LUC7L: variants seen among roughly 807,000 people sequenced by gnomAD.
LUC7L encodes LUC7 like.
In LUC7L, 29 loss-of-function variants were observed where a neutral mutation model predicts 51.1. That is an observed-to-expected ratio of 0.57 (90% CI 0.42 to 0.77). The LOEUF (loss-of-function observed/expected upper bound fraction) is 0.77, where lower values mean the gene tolerates loss of function less well. Ranked by LOEUF, LUC7L falls within the 30% of genes least tolerant of loss-of-function variation. LUC7L has a pLI of 0.00. For synonymous variants in LUC7L, 181 were observed against 180.7 expected (o/e 1.00, Z -0.01); for missense variants, 403 against 511.9 (o/e 0.79, Z 2.05).
At position 229,436 on chromosome 16, in the gene LUC7L, C is replaced by A; in HGVS notation, c.-97G>T. 1 of 1,118,782 alleles carries A rather than the reference C, an allele frequency of 8.9e-7. No individual in the cohort carries two copies. Among genetic ancestry groups the A allele is most frequent in the South Asian group, 1.8e-5 (1 of 55,882 alleles). 69.3% of individuals were successfully genotyped at this position (1,118,782 alleles called of 1,614,324 possible). A position where few individuals can be genotyped will look rare whatever the true frequency, so the allele number is the denominator to read the frequency against. Reference sequence around the variant, plus strand: ...AACGATGGTCGCGTCGGCCTCGAGCCCACTCGGCTCTTTCCCGCCGCGGGG... The same window carrying A: ...AACGATGGTCGCGTCGGCCTCGAGCACACTCGGCTCTTTCCCGCCGCGGGG... On this transcript the variant is annotated 5_prime_UTR_variant, in exon 1 of 10. Transcript: ENST00000293872.
intron 5 of LUC7L, among the ~76,000 whole-genome samples, 200 bp from the exon 6 acceptor site, chr16:199,438 A>C (rs2049255772): frequency 6.6e-6 from 1 of 152,216 alleles, no homozygotes. Flanking sequence ...GCACGGTCCC[A>C]GCACTTTGTG....
At chr16:216,529 C>T (rs1298681784) in intron 3 of LUC7L, among the ~76,000 whole-genome samples, 2 of 151,354 alleles carry the variant, frequency 1.3e-5, no homozygotes, top group African/African-American at 2.4e-5. Context: ...ACTACAGGTG[C>T]CCACCACCAT....
chr16:202,484 C>A (rs754800295), intron 5 of LUC7L, among the ~76,000 whole-genome samples: 1 of 152,122 alleles, frequency 6.6e-6, no homozygotes, highest in Non-Finnish European at 1.5e-5. Context: ...TTTTACTGTA[C>A]CTTTTCTATG....
intron 4 of LUC7L, 87 bp from the exon 5 acceptor site, chr16:206,234 G>C (rs1198674920): frequency 1.5e-6 from 2 of 1,319,320 alleles, no homozygotes; most frequent in Admixed American, 4.4e-5. Flanking sequence ...TCCATTTCCA[G>C]TCTGAAAATA....
intron 7 of LUC7L, among the ~76,000 whole-genome samples, chr16:191,297 G>T (rs1455708108): frequency 6.6e-6 from 1 of 152,120 alleles, no homozygotes; most frequent in African/African-American, 2.4e-5. Flanking sequence ...CCAGGCACAG[G>T]CTTCCTGTCA....
chr16:203,889 G>A (rs2049404420), intron 5 of LUC7L, among the ~76,000 whole-genome samples: 1 of 151,748 alleles, frequency 6.6e-6, no homozygotes, highest in Admixed American at 6.6e-5. Flanking sequence ...GGTGGCACAC[G>A]CCTATAGTCT....
Position 220,644 on chromosome 16 carries a change from CT to C in LUC7L, c.255+4del. On this transcript the variant is annotated splice_donor_region_variant and intron_variant, in intron 3 of 9. Transcript: ENST00000293872. ...AGGAATAAATCAACATTAAATAAAA[CT>C]TACATCTAATTCAAAAAACAGGTCT... 2 of 1,598,490 alleles carry C rather than the reference CT, an allele frequency of 1.3e-6. No individual in the cohort carries two copies. Among genetic ancestry groups the C allele is most frequent in the Non-Finnish European group, 1.7e-6 (2 of 1,166,864 alleles).
chr16:194,784 C>A (rs1290033394), intron 6 of LUC7L, among the ~76,000 whole-genome samples: 2 of 152,124 alleles, frequency 1.3e-5, no homozygotes, highest in Non-Finnish European at 2.9e-5. Flanking sequence ...AATGAAAATA[C>A]CGTCAACACA....
chr16:201,053 C>T (rs1278169535), intron 5 of LUC7L, among the ~76,000 whole-genome samples: 2 of 150,890 alleles, frequency 1.3e-5, no homozygotes, highest in African/African-American at 2.4e-5. Flanking sequence ...ACCTGTAATC[C>T]CAGCTACTCG....
At chr16:206,268 C>T in intron 4 of LUC7L, 121 bp from the exon 5 acceptor site, 2 of 974,434 alleles carry the variant, frequency 2.1e-6, no homozygotes, top group Non-Finnish European at 3.1e-6. Flanking sequence ...AAGATCCACA[C>T]TTAACAATGA....
intron 6 of LUC7L, among the ~76,000 whole-genome samples, chr16:194,364 C>T (rs999812030): frequency 1.3e-5 from 2 of 152,214 alleles, no homozygotes; most frequent in Non-Finnish European, 2.9e-5. Flanking sequence ...GCCTTGGCCT[C>T]CCAAAGTGCT....
At chr16:189,778 T>C (rs1167165958) in intron 9 of LUC7L, 190 bp downstream of exon 9, 1 of 1,416,672 alleles carries the variant, frequency 7.1e-7, no homozygotes, top group Non-Finnish European at 9.2e-7. Flanking sequence ...GCCCATCACC[T>C]GGCGCCGTGC....
At chr16:205,816 C>G (rs2049468190) in intron 5 of LUC7L, among the ~76,000 whole-genome samples, 188 bp downstream of exon 5, 1 of 152,168 alleles carries the variant, frequency 6.6e-6, no homozygotes, top group African/African-American at 2.4e-5. Context: ...GGTCTTATCT[C>G]CTGACCTCGT....
chr16:219,738 G>A (rs1327193626), intron 3 of LUC7L, among the ~76,000 whole-genome samples: 3 of 152,008 alleles, frequency 2.0e-5, no homozygotes, highest in Non-Finnish European at 4.4e-5. Context: ...CGGGCATGGC[G>A]GCTCATGCCT....
intron 4 of LUC7L, among the ~76,000 whole-genome samples, chr16:207,131 G>A (rs545589288): frequency 1.3e-5 from 2 of 151,700 alleles, no homozygotes; most frequent in Admixed American, 6.6e-5. Flanking sequence ...CCCAGGAGGC[G>A]GAGCTTGCAG....
chr16:191,798 T>C (rs1438765473), intron 7 of LUC7L, among the ~76,000 whole-genome samples: 2 of 152,198 alleles, frequency 1.3e-5, no homozygotes, highest in Non-Finnish European at 2.9e-5. Flanking sequence ...TGAGCCGATA[T>C]CGCACCACTG....
rs1397133562 is a variant in LUC7L at position 229,261 on chromosome 16, T to C, written c.61+18A>G. 2 of 1,532,614 alleles carry C rather than the reference T, an allele frequency of 1.3e-6. No individual in the cohort carries two copies. Among genetic ancestry groups the C allele is most frequent in the South Asian group, 1.2e-5 (1 of 83,572 alleles). 94.9% of individuals were successfully genotyped at this position (1,532,614 alleles called of 1,614,324 possible). A position where few individuals can be genotyped will look rare whatever the true frequency, so the allele number is the denominator to read the frequency against. On this transcript the variant is annotated intron_variant, in intron 1 of 9. Transcript: ENST00000293872. ...ACTCCCACCCCAGACCCTCGCCTGG[T>C]TGGCCGCTCTGACTCACCGTCCCGA...
At chr16:208,338 C>T (rs1011022823) in intron 3 of LUC7L, 150 bp from the exon 4 acceptor site, 7 of 587,174 alleles carry the variant, frequency 1.2e-5, no homozygotes, top group East Asian at 3.4e-5. Context: ...CTACCACTAA[C>T]GCATTCATAA....
intron 3 of LUC7L, among the ~76,000 whole-genome samples, chr16:213,460 C>A (rs1003755387): frequency 6.6e-6 from 1 of 152,062 alleles, no homozygotes; most frequent in African/African-American, 2.4e-5. Context: ...AGTGTAGAGG[C>A]AACATCTGAG....
Sources: gnomAD v4.1 joint callset for allele counts (sites outside exome capture counted in the v4.1 genomes callset) on GRCh38, gnomAD v4.1.1 for gene constraint, MANE v1.5 for transcripts, NCBI Gene and HGNC (gene_info 2026-07-23, HGNC 2026-07-21) for gene names.